OTOP1: variants seen among roughly 807,000 people sequenced by gnomAD.
OTOP1 encodes otopetrin 1.
A neutral mutation model predicts 52.9 loss-of-function variants in OTOP1; 59 were observed. The ratio of observed to expected loss-of-function variants is 1.12; its 90% CI spans 0.91 to 1.39. OTOP1 has a LOEUF of 1.39. OTOP1 is among the 40% of genes most tolerant of loss of function. The pLI, the probability that OTOP1 is intolerant of heterozygous loss-of-function variation, is 0.00. For synonymous variants in OTOP1, 317 were observed against 337.7 expected (o/e 0.94, Z 0.67); for missense variants, 761 against 800.9 (o/e 0.95, Z 0.60).
intron 1 of OTOP1, among the ~76,000 whole-genome samples, chr4:4,213,558 G>A (rs983826075): frequency 2.8e-4 from 43 of 152,166 alleles, no homozygotes; most frequent in Admixed American, 2.0e-3. Context: ...TAATGAAATC[G>A]TACAGTACTG....
chr4:4,226,487 C>A lies in OTOP1; in HGVS notation c.378G>T (p.Thr126=). 2 of 1,555,548 alleles carry A rather than the reference C, an allele frequency of 1.3e-6. No individual in the cohort carries two copies. The highest frequency in any genetic ancestry group is 8.6e-7 in the Non-Finnish European group (1 of 1,158,856). Residue 126 remains threonine (T), a synonymous_variant, in exon 1 of 6, where the codon ACG becomes ACT. Transcript: ENST00000296358. Reference sequence around the variant, plus strand: ...CGCGCAGCCAGCCGGCACCCGCGTGCGTGTCCTTGAGGCGGAAGAGGCGGC... The same window carrying A: ...CGCGCAGCCAGCCGGCACCCGCGTGAGTGTCCTTGAGGCGGAAGAGGCGGC... ...AHRRLFRLKD[T]HAGAGWLRGS...
At chr4:4,210,610 T>A (rs1395428126) in intron 2 of OTOP1, among the ~76,000 whole-genome samples, 1 of 152,202 alleles carries the variant, frequency 6.6e-6, no homozygotes, top group Non-Finnish European at 1.5e-5. Flanking sequence ...GCAGGTGGAT[T>A]GCCTGAGGTC....
chr4:4,221,573 C>T (rs1717301527), intron 1 of OTOP1, among the ~76,000 whole-genome samples: 1 of 152,154 alleles, frequency 6.6e-6, no homozygotes, highest in Admixed American at 6.5e-5. Context: ...TACTCTGTCC[C>T]CACCCCCAGG....
At chr4:4,224,521 G>C (rs946263302) in intron 1 of OTOP1, among the ~76,000 whole-genome samples, 2 of 152,070 alleles carry the variant, frequency 1.3e-5, no homozygotes, top group African/African-American at 2.4e-5. Context: ...ACAGGTAAAG[G>C]CTCATGTGTA....
Position 4,226,527 on chromosome 4 carries a change from C to A in OTOP1, c.338G>T (p.Arg113Leu). The A allele has an allele frequency of 6.3e-7, 1 of 1,597,470 alleles. No homozygotes were observed. Among genetic ancestry groups the A allele is most frequent in the East Asian group, 2.3e-5 (1 of 43,874 alleles). Residue 113 changes from arginine to leucine, a missense_variant, in exon 1 of 6, where the codon CGC (arginine) becomes CTC (leucine). Arg to Leu is a moderately radical substitution (Grantham distance 102). Transcript: ENST00000296358. ...GAAGAGGCGGCGGTGCGCGGAGCTG[C>A]GGCCCACGTACCACAGCATCCACAG... Reference protein sequence around the residue: ...QLLWMLWYVGRSSAHRRLFRL... With the variant: ...QLLWMLWYVGLSSAHRRLFRL...
chr4:4,192,251 C>T (rs960801168), intron 5 of OTOP1, among the ~76,000 whole-genome samples: 2 of 152,128 alleles, frequency 1.3e-5, no homozygotes, highest in African/African-American at 4.8e-5. Flanking sequence ...TGGAGACCCA[C>T]CTGTGGGTGC....
At chr4:4,211,497 C>A (rs1399758461) in intron 2 of OTOP1, among the ~76,000 whole-genome samples, 1 of 152,202 alleles carries the variant, frequency 6.6e-6, no homozygotes, top group African/African-American at 2.4e-5. Flanking sequence ...ATGGGCAAAT[C>A]TGGAGGACAT....
chr4:4,204,356 C>A (rs1166277601), intron 3 of OTOP1, among the ~76,000 whole-genome samples: 1 of 152,146 alleles, frequency 6.6e-6, no homozygotes, highest in African/African-American at 2.4e-5. Flanking sequence ...CTTTGACAAA[C>A]GCAGACAATG....
chr4:4,216,041 C>T (rs200554781), intron 1 of OTOP1, among the ~76,000 whole-genome samples: 15 of 152,018 alleles, frequency 9.9e-5, no homozygotes, highest in Admixed American at 1.3e-4. Flanking sequence ...TCAAGTGGTC[C>T]GCCTGCCTCA....
intron 2 of OTOP1, among the ~76,000 whole-genome samples, chr4:4,208,069 G>A (rs2916424): frequency 0.67 from 102,194 of 152,098 alleles, 34,893 homozygotes; most frequent in African/African-American, 0.76. Flanking sequence ...AAAAAACGTC[G>A]GGCACAGGAA....
At chr4:4,193,232 T>G (rs942237942) in intron 5 of OTOP1, among the ~76,000 whole-genome samples, 5 of 151,916 alleles carry the variant, frequency 3.3e-5, no homozygotes, top group African/African-American at 4.8e-5. Context: ...CTTGCATCCA[T>G]CCCTTCCCCA....
At position 4,197,334 on chromosome 4, in the gene OTOP1, A is replaced by G. The variant is rs777602244; in HGVS notation, c.1500T>C (p.Asn500=). The change falls in exon 5 of 6, where the codon AAT becomes AAC. Residue 500 remains asparagine, a synonymous_variant. Transcript: ENST00000296358. Reference sequence around the variant, plus strand: ...GGCTTTCTCTCATGCACACATTTCCATTGGCTGCTGGTGGCATGTCCTTGC... The same window carrying G: ...GGCTTTCTCTCATGCACACATTTCCGTTGGCTGCTGGTGGCATGTCCTTGC... ...PQGKDMPPAA[N]GNVCMRESHD... 6.2e-7 allele frequency: 1 copy of G among 1,613,580 alleles called. No individual in the cohort carries two copies. Among genetic ancestry groups the G allele is most frequent in the Admixed American group, 1.7e-5 (1 of 59,990 alleles).
chr4:4,225,852 G>A (rs1250981464), intron 1 of OTOP1, among the ~76,000 whole-genome samples: 1 of 152,146 alleles, frequency 6.6e-6, no homozygotes, highest in Non-Finnish European at 1.5e-5. Flanking sequence ...GCGGGCTGGG[G>A]GCATGTGGTC....
chr4:4,193,625 C>G (rs1170552280), intron 5 of OTOP1, among the ~76,000 whole-genome samples: 1 of 152,164 alleles, frequency 6.6e-6, no homozygotes, highest in African/African-American at 2.4e-5. Flanking sequence ...GATTTCCATC[C>G]TCTGCTTCAA....
At chr4:4,211,032 A>G (rs920320914) in intron 2 of OTOP1, among the ~76,000 whole-genome samples, 7 of 152,102 alleles carry the variant, frequency 4.6e-5, no homozygotes, top group Non-Finnish European at 1.5e-5. Context: ...AGCCCCTCCA[A>G]ATGAGCCCCT....
chr4:4,220,498 G>T (rs376105705), intron 1 of OTOP1, among the ~76,000 whole-genome samples: 1 of 152,138 alleles, frequency 6.6e-6, no homozygotes, highest in Non-Finnish European at 1.5e-5. Context: ...ATTAGTTGAT[G>T]ACCTTGGGCA....
At chr4:4,204,578 G>C (rs531200816) in intron 3 of OTOP1, among the ~76,000 whole-genome samples, 39 of 152,168 alleles carry the variant, frequency 2.6e-4, no homozygotes, top group Non-Finnish European at 3.5e-4. Context: ...TGTGGAAATG[G>C]TCCACAAACC....
At chr4:4,194,597 T>G (rs1209016164) in intron 5 of OTOP1, among the ~76,000 whole-genome samples, 1 of 152,236 alleles carries the variant, frequency 6.6e-6, no homozygotes, top group Non-Finnish European at 1.5e-5. Context: ...CTTTGCGTTC[T>G]TAGGGTGATA....
chr4:4,213,045 G>A, intron 1 of OTOP1, 41 bp from the exon 2 acceptor site: 1 of 1,598,270 alleles, frequency 6.3e-7, no homozygotes, highest in Non-Finnish European at 8.6e-7. Flanking sequence ...CACACACATT[G>A]CATTAACATA....
Sources: allele counts gnomAD v4.1 joint callset (sites outside exome capture counted in the v4.1 genomes callset), GRCh38; gene constraint gnomAD v4.1.1; transcripts MANE v1.5; gene names NCBI Gene and HGNC (gene_info 2026-07-23, HGNC 2026-07-21).